SLC24A2: variants seen among roughly 807,000 people sequenced by gnomAD.
SLC24A2 encodes the protein sodium/potassium/calcium exchanger 2.
A neutral mutation model predicts 62.0 loss-of-function variants in SLC24A2; 36 were observed. That is an observed-to-expected ratio of 0.58 (90% CI 0.44 to 0.77). SLC24A2 has a LOEUF of 0.77. Among genes scored for constraint, SLC24A2 ranks in the 30% least tolerant of loss-of-function variants. The pLI, the probability that SLC24A2 is intolerant of heterozygous loss-of-function variation, is 0.00. For missense variants in SLC24A2, 846 were observed against 817.9 expected, an observed-to-expected ratio of 1.03 and a Z score of -0.42; for synonymous variants, 358 against 294.0, an observed-to-expected ratio of 1.22 and a Z score of -2.23.
chr9:20,266,654 C>G, the SLC24A2 span, among the ~76,000 whole-genome samples: 4 of 152,088 alleles, frequency 2.6e-5, no homozygotes, highest in Non-Finnish European at 5.9e-5. Flanking sequence ...AAATATCAGA[C>G]CTACATTTCA....
the SLC24A2 span, among the ~76,000 whole-genome samples, chr9:20,268,859 T>C: frequency 2.6e-5 from 4 of 152,180 alleles, no homozygotes; most frequent in Non-Finnish European, 5.9e-5. Context: ...GGTATGTGTG[T>C]GGAGGAACTA....
the SLC24A2 span, among the ~76,000 whole-genome samples, chr9:20,276,623 T>G: frequency 6.6e-6 from 1 of 152,198 alleles, no homozygotes; most frequent in African/African-American, 2.4e-5. Flanking sequence ...GGGGATTCTG[T>G]GTAGGGGCTC....
chr9:20,142,015 A>G, the SLC24A2 span, among the ~76,000 whole-genome samples: 1 of 152,180 alleles, frequency 6.6e-6, no homozygotes, highest in African/African-American at 2.4e-5. Context: ...CCTGGGAGGC[A>G]GAGGTTGCAG....
intron 7 of SLC24A2, among the ~76,000 whole-genome samples, chr9:19,553,839 A>C (rs1344701434): frequency 6.6e-6 from 1 of 152,236 alleles, no homozygotes; most frequent in Non-Finnish European, 1.5e-5. Flanking sequence ...TGCAGTATTT[A>C]TCCAGTTACA....
intron 7 of SLC24A2, among the ~76,000 whole-genome samples, chr9:19,553,215 A>G (rs1398375272): frequency 1.3e-4 from 20 of 152,352 alleles, no homozygotes; most frequent in Non-Finnish European, 5.9e-5. Context: ...GAAGAAAAAA[A>G]TACTGTTCCA....
At chr9:20,214,629 T>C in the SLC24A2 span, among the ~76,000 whole-genome samples, 1 of 150,120 alleles carries the variant, frequency 6.7e-6, no homozygotes, top group African/African-American at 2.5e-5. Context: ...AAATAAAAAA[T>C]AAAAAAAAAA....
the SLC24A2 span, among the ~76,000 whole-genome samples, chr9:19,820,058 CATATAT>C: frequency 5.8e-5 from 2 of 34,644 alleles, no homozygotes; most frequent in East Asian, 5.1e-4. Flanking sequence ...TATATATACA[CATATAT>C]ATATATATAT....
In SLC24A2 at chr9:19,788,915, G is replaced by A. The variant is rs997132837; in HGVS notation, c.-184C>T. On this transcript the variant is annotated 5_prime_UTR_variant, in exon 1 of 11. Transcript: ENST00000341998. ...TAAGATGGGAGGACGCGCACACGGCGGGGCCCCCGAGCGCGGCCCGCCGCT... is the reference window on the plus strand; with the variant it reads ...TAAGATGGGAGGACGCGCACACGGCAGGGCCCCCGAGCGCGGCCCGCCGCT... 2 of 985,012 alleles carry A rather than the reference G, an allele frequency of 2.0e-6. No homozygotes were observed. The highest frequency in any genetic ancestry group is 1.7e-5 in the African/African-American group (1 of 57,242). The allele number at this position is 985,012 out of a possible 1,614,324, so 61.0% of individuals were successfully genotyped here.
chr9:19,985,739 T>A, the SLC24A2 span, among the ~76,000 whole-genome samples: 1 of 152,086 alleles, frequency 6.6e-6, no homozygotes, highest in Non-Finnish European at 1.5e-5. Flanking sequence ...TGAAGTATAC[T>A]TTCATAAAGA....
At chr9:20,301,463 C>G in the SLC24A2 span, among the ~76,000 whole-genome samples, 1 of 152,098 alleles carries the variant, frequency 6.6e-6, no homozygotes, top group East Asian at 1.9e-4. Flanking sequence ...TATACTTTCA[C>G]AAAGCTGTCA....
At chr9:19,589,552 G>A (rs576106857) in intron 5 of SLC24A2, among the ~76,000 whole-genome samples, 17 of 152,258 alleles carry the variant, frequency 1.1e-4, no homozygotes, top group East Asian at 1.9e-4. Context: ...TGTGGTAAAC[G>A]TTTGGATTTG....
At position 19,513,188 on chromosome 9, in the gene SLC24A2, A is replaced by ATATATATATATATATATATATG. The variant is rs1231507740; in HGVS notation, c.*2964_*2965insCATATATATATATATATATATA. On this transcript the variant is annotated 3_prime_UTR_variant, in exon 11 of 11. Coordinates refer to ENST00000341998, the MANE Select transcript of SLC24A2 (RefSeq NM_020344.4). ...TATATATATATATGTATATATATAT[A>ATATATATATATATATATATATG]TATGTATATATTTATATATGTATAT... 2 of 140,442 alleles carry ATATATATATATATATATATATG rather than the reference A, an allele frequency of 1.4e-5. No individual in the cohort carries two copies. The highest frequency in any genetic ancestry group is 3.0e-5 in the Non-Finnish European group (2 of 65,800). The allele number at this position is 140,442 out of a possible 1,614,324, so 8.7% of individuals were successfully genotyped here.
intron 5 of SLC24A2, among the ~76,000 whole-genome samples, chr9:19,593,885 G>C (rs1456718896): frequency 6.6e-6 from 1 of 151,968 alleles, no homozygotes; most frequent in African/African-American, 2.4e-5. Context: ...TTTGAGCCTT[G>C]GTTTTCTCCT....
intron 2 of SLC24A2, among the ~76,000 whole-genome samples, chr9:19,637,615 G>A (rs569278620): frequency 6.6e-6 from 1 of 152,350 alleles, no homozygotes; most frequent in Non-Finnish European, 1.5e-5. Flanking sequence ...AAGGCATGGA[G>A]AAGTAGTACC....
the SLC24A2 span, among the ~76,000 whole-genome samples, chr9:20,125,732 G>A: frequency 1.3e-5 from 2 of 152,236 alleles, no homozygotes; most frequent in Admixed American, 6.5e-5. Flanking sequence ...TGAGGGTTGT[G>A]GAAACTCAAG....
the SLC24A2 span, among the ~76,000 whole-genome samples, chr9:20,126,622 C>T: frequency 5.3e-5 from 8 of 152,068 alleles, no homozygotes; most frequent in African/African-American, 1.2e-4. Context: ...GGGAAAGTGC[C>T]GGAAATGAGT....
rs148574655 is a variant in SLC24A2 at position 19,657,499 on chromosome 9, C to A, written c.931-35200G>T. Reference sequence around the variant, plus strand: ...ATCAACCTGTCATCTAGGTTTTAAGCCCCGCATGCATTAGGTATTTGTCCT... The same window carrying A: ...ATCAACCTGTCATCTAGGTTTTAAGACCCGCATGCATTAGGTATTTGTCCT... On this transcript the variant is annotated intron_variant, in intron 2 of 10. Coordinates refer to ENST00000341998, the MANE Select transcript of SLC24A2 (RefSeq NM_020344.4). 3.6e-3 allele frequency among the ~76,000 whole-genome samples: 555 copies of A among 152,122 alleles called. 4 individuals carry two copies. The highest frequency in any genetic ancestry group is 0.013 in the African/African-American group (533 of 41,540).
At chr9:20,191,789 T>A in the SLC24A2 span, among the ~76,000 whole-genome samples, 1 of 151,940 alleles carries the variant, frequency 6.6e-6, no homozygotes, top group East Asian at 1.9e-4. Flanking sequence ...GTTGTGTGGA[T>A]AGATCATAAA....
the SLC24A2 span, among the ~76,000 whole-genome samples, chr9:20,242,987 G>C: frequency 6.6e-6 from 1 of 152,046 alleles, no homozygotes; most frequent in Admixed American, 6.6e-5. Context: ...TTCATTTCCC[G>C]TGCATAAGGT....
Sources: gnomAD v4.1 joint callset for allele counts (sites outside exome capture counted in the v4.1 genomes callset) on GRCh38, gnomAD v4.1.1 for gene constraint, MANE v1.5 for transcripts, NCBI Gene and HGNC (gene_info 2026-07-23, HGNC 2026-07-21) for gene names.